The following ANGPT1 variants were observed in gnomAD, a reference collection of about 807,000 sequenced individuals.
The protein encoded by ANGPT1 is angiopoietin-1.
A neutral mutation model predicts 62.2 loss-of-function variants in ANGPT1; 17 were observed. The observed-to-expected ratio is 0.27, with a 90% CI of 0.19 to 0.41. The LOEUF is 0.41. ANGPT1 is among the 10% of genes least tolerant of loss of function. The probability of loss-of-function intolerance (pLI) is 1.00; values close to 1 mark genes in which losing one functional copy is unlikely to be tolerated. For missense variants in ANGPT1, 478 were observed against 594.9 expected (o/e 0.80, Z 2.04); for synonymous variants, 199 against 198.9 (o/e 1.00, Z 0.00).
intron 1 of ANGPT1, among the ~76,000 whole-genome samples, chr8:107,414,926 G>A (rs1810696780): frequency 6.6e-6 from 1 of 152,088 alleles, no homozygotes; most frequent in Admixed American, 6.6e-5. Context: ...TTGTCAAACT[G>A]GTTACAATAT....
intron 3 of ANGPT1, among the ~76,000 whole-genome samples, chr8:107,324,289 C>T (rs976162324): frequency 4.0e-5 from 6 of 151,338 alleles, no homozygotes; most frequent in Admixed American, 6.6e-5. Flanking sequence ...GAAACAGATT[C>T]GTTGCAGATG....
rs930516602 is a variant in ANGPT1, at chr8:107,251,202, T to C, written c.*653A>G. The C allele has an allele frequency of 1.3e-5, 2 of 152,150 alleles. No homozygotes were observed. Among genetic ancestry groups the C allele is most frequent in the Admixed American group, 6.6e-5 (1 of 15,258 alleles). 9.4% of individuals were successfully genotyped at this position (152,150 alleles called of 1,614,324 possible). ...GGAGTTTGTTTCTACCACACACTTA[T>C]TGTCCATGTACTACAGTTCATTATG... On this transcript the variant is annotated 3_prime_UTR_variant, in exon 9 of 9. Coordinates refer to ENST00000517746, the MANE Select transcript of ANGPT1 (RefSeq NM_001146.5).
intron 1 of ANGPT1, among the ~76,000 whole-genome samples, chr8:107,424,159 T>G (rs1408604362): frequency 1.5e-5 from 1 of 65,628 alleles, no homozygotes; most frequent in Non-Finnish European, 3.7e-5. Flanking sequence ...TCTTATTAAG[T>G]TAAAAAAAAA....
At chr8:107,405,292 T>C (rs1817126517) in intron 1 of ANGPT1, among the ~76,000 whole-genome samples, 1 of 151,988 alleles carries the variant, frequency 6.6e-6, no homozygotes, top group South Asian at 2.1e-4. Context: ...GATCGTACTC[T>C]ATATTTTTAA....
intron 1 of ANGPT1, among the ~76,000 whole-genome samples, chr8:107,430,489 T>C (rs1223337029): frequency 6.6e-6 from 1 of 152,206 alleles, no homozygotes; most frequent in East Asian, 1.9e-4. Flanking sequence ...CAAATATTTT[T>C]CTAGATTGCA....
chr8:107,446,271 T>C (rs1180322446), intron 1 of ANGPT1, among the ~76,000 whole-genome samples: 1 of 152,228 alleles, frequency 6.6e-6, no homozygotes, highest in African/African-American at 2.4e-5. Flanking sequence ...TTCAGAAATA[T>C]AAAAGTATTT....
intron 8 of ANGPT1, among the ~76,000 whole-genome samples, chr8:107,263,539 A>G (rs1449783154): frequency 6.6e-6 from 1 of 151,990 alleles, no homozygotes; most frequent in African/African-American, 2.4e-5. Flanking sequence ...AAGAAGCATC[A>G]TTGGTAAGTG....
intron 1 of ANGPT1, among the ~76,000 whole-genome samples, chr8:107,372,711 T>C (rs924294645): frequency 6.6e-6 from 1 of 151,874 alleles, no homozygotes; most frequent in African/African-American, 2.4e-5. Flanking sequence ...AGAATGCAGG[T>C]CTATGACCAT....
chr8:107,261,284 T>A (rs966545279), intron 8 of ANGPT1, among the ~76,000 whole-genome samples: 1 of 142,500 alleles, frequency 7.0e-6, no homozygotes, highest in East Asian at 2.0e-4. Context: ...TAAAAAAAAA[T>A]ATTAGATTTG....
chr8:107,277,997 A>G (rs1285002251), intron 7 of ANGPT1, among the ~76,000 whole-genome samples: 1 of 152,182 alleles, frequency 6.6e-6, no homozygotes, highest in Admixed American at 6.5e-5. Context: ...TATATAATTA[A>G]AAATTGTTTA....
At chr8:107,409,008 A>G (rs866306666) in intron 1 of ANGPT1, among the ~76,000 whole-genome samples, 1 of 152,186 alleles carries the variant, frequency 6.6e-6, no homozygotes, top group South Asian at 2.1e-4. Context: ...ATATTCTACT[A>G]TCAGTAGATC....
At chr8:107,306,241 T>C (rs1223094144) in intron 4 of ANGPT1, among the ~76,000 whole-genome samples, 1 of 152,068 alleles carries the variant, frequency 6.6e-6, no homozygotes, top group Non-Finnish European at 1.5e-5. Context: ...AATTAAAACA[T>C]AGCAGTTATA....
chr8:107,480,156 C>A (rs545868487), intron 1 of ANGPT1, among the ~76,000 whole-genome samples: 2 of 152,182 alleles, frequency 1.3e-5, no homozygotes, highest in East Asian at 3.9e-4. Flanking sequence ...GGTGACTGTT[C>A]CAGTCACTGC....
chr8:107,271,194 T>C lies in ANGPT1; in HGVS notation c.1206-6843A>G, dbSNP rs533671546. On this transcript the variant is annotated intron_variant, in intron 7 of 8. Transcript: ENST00000517746. Reference sequence around the variant, plus strand: ...ATCACAGAGTTTGTAGTGTACCTGTTTGGGTTTGCAATCTAGCTCTTATTC... The same window carrying C: ...ATCACAGAGTTTGTAGTGTACCTGTCTGGGTTTGCAATCTAGCTCTTATTC... 7.9e-5 allele frequency among the ~76,000 whole-genome samples: 12 copies of C among 152,134 alleles called. No homozygotes were observed. The South Asian group carries it at 2.1e-3, about 26-fold the overall frequency.
chr8:107,284,427 G>A, intron 7 of ANGPT1: 1 of 246,962 alleles, frequency 4.0e-6, no homozygotes, highest in Non-Finnish European at 7.7e-6. Flanking sequence ...CAGAACAACA[G>A]TATGCTTGAC....
chr8:107,481,481 C>A (rs1472622162), intron 1 of ANGPT1, among the ~76,000 whole-genome samples: 1 of 132,982 alleles, frequency 7.5e-6, no homozygotes, highest in Non-Finnish European at 1.5e-5. Context: ...TTGCAGTGAG[C>A]CAAGATTACA....
At chr8:107,493,700 T>A (rs931029876) in intron 1 of ANGPT1, among the ~76,000 whole-genome samples, 6 of 150,426 alleles carry the variant, frequency 4.0e-5, no homozygotes, top group Admixed American at 1.3e-4. Context: ...GCATATCTGT[T>A]ATAAATATGT....
At chr8:107,296,463 T>A (rs571385146) in intron 5 of ANGPT1, among the ~76,000 whole-genome samples, 1 of 152,014 alleles carries the variant, frequency 6.6e-6, no homozygotes, top group Admixed American at 6.6e-5. Flanking sequence ...AAAGTCAAGA[T>A]AAAAAATGAT....
chr8:107,340,532 G>A (rs1290299230), intron 2 of ANGPT1, among the ~76,000 whole-genome samples: 1 of 152,012 alleles, frequency 6.6e-6, no homozygotes, highest in African/African-American at 2.4e-5. Context: ...CAGAGATTGA[G>A]GTAGAAAGAA....
Sources: allele counts gnomAD v4.1 joint callset (sites outside exome capture counted in the v4.1 genomes callset), GRCh38; gene constraint gnomAD v4.1.1; transcripts MANE v1.5; gene names NCBI Gene and HGNC (gene_info 2026-07-23, HGNC 2026-07-21).